The following WWOX variants were observed in gnomAD, a reference collection of about 807,000 sequenced individuals.
WWOX encodes the protein WW domain containing oxidoreductase.
WWOX carries 69 observed loss-of-function variants against 46.2 expected under a neutral mutation model. That is an observed-to-expected ratio of 1.49 (90% CI 1.23 to 1.82). The LOEUF (loss-of-function observed/expected upper bound fraction) is 1.82, where lower values mean the gene tolerates loss of function less well. Among genes scored for constraint, WWOX ranks in the 40% most tolerant of loss-of-function variants. The probability of loss-of-function intolerance (pLI) is 0.00; values close to 1 mark genes in which losing one functional copy is unlikely to be tolerated. For synonymous variants in WWOX, 359 were observed against 202.6 expected (o/e 1.77, Z -6.56); for missense variants, 919 against 542.6 (o/e 1.69, Z -6.89).
chr16:78,738,009 C>A (rs1197011445), intron 8 of WWOX, among the ~76,000 whole-genome samples: 1 of 152,190 alleles, frequency 6.6e-6, no homozygotes, highest in African/African-American at 2.4e-5. Context: ...AGGGGTTTCC[C>A]TGTCAGAGCC....
chr16:78,979,969 A>G (rs140327610), intron 8 of WWOX, among the ~76,000 whole-genome samples: 4,056 of 152,244 alleles, frequency 0.027, 174 homozygotes, highest in African/African-American at 0.092. Context: ...TCTACTAAAA[A>G]TACAAAAAAT....
intron 6 of WWOX, among the ~76,000 whole-genome samples, chr16:78,398,281 C>T (rs972874948): frequency 1.3e-5 from 2 of 152,198 alleles, no homozygotes; most frequent in African/African-American, 4.8e-5. Flanking sequence ...CCCATGTCAC[C>T]TGTGGCCATG....
At chr16:78,433,457 T>C (rs1206341778) in intron 8 of WWOX, among the ~76,000 whole-genome samples, 1 of 152,222 alleles carries the variant, frequency 6.6e-6, no homozygotes, top group East Asian at 1.9e-4. Context: ...TTTTCCACAA[T>C]ATATTTGGTA....
intron 8 of WWOX, among the ~76,000 whole-genome samples, chr16:78,725,976 CCTTCTCCTT>C (rs1567517898): frequency 2.7e-5 from 4 of 150,370 alleles, no homozygotes; most frequent in African/African-American, 9.8e-5. Flanking sequence ...TTCTCCTCCT[CCTTCTCCTT>C]CTCCTCCTTC....
At chr16:78,856,233 A>G (rs1292810062) in intron 8 of WWOX, among the ~76,000 whole-genome samples, 2 of 152,158 alleles carry the variant, frequency 1.3e-5, no homozygotes, top group East Asian at 3.9e-4. Flanking sequence ...TTAGGCAGGG[A>G]CTGCGTTGGA....
chr16:78,905,486 A>T (rs1178482394), intron 8 of WWOX, among the ~76,000 whole-genome samples: 1 of 152,150 alleles, frequency 6.6e-6, no homozygotes, highest in Non-Finnish European at 1.5e-5. Flanking sequence ...GGTGCAAGTA[A>T]TCCTCCCACC....
At chr16:78,770,991 G>T (rs1000709690) in intron 8 of WWOX, among the ~76,000 whole-genome samples, 26 of 152,206 alleles carry the variant, frequency 1.7e-4, no homozygotes, top group African/African-American at 6.0e-4. Context: ...TTGGAGCAGA[G>T]ACATGAAGGA....
intron 5 of WWOX, among the ~76,000 whole-genome samples, chr16:78,246,371 T>A (rs1163979682): frequency 2.6e-5 from 4 of 152,214 alleles, no homozygotes; most frequent in Non-Finnish European, 5.9e-5. Context: ...TTTTTTCCCC[T>A]TCTGTTTCTC....
chr16:78,400,146 C>G (rs1442437845), intron 6 of WWOX, among the ~76,000 whole-genome samples: 1 of 152,152 alleles, frequency 6.6e-6, no homozygotes, highest in Non-Finnish European at 1.5e-5. Context: ...TAAGCTTAAA[C>G]TCCTGTTATA....
At chr16:78,099,939 G>T (rs2031645180) in intron 1 of WWOX, 54 bp downstream of exon 1, 1 of 1,537,290 alleles carries the variant, frequency 6.5e-7, no homozygotes, top group Non-Finnish European at 8.8e-7. Flanking sequence ...CACAGCCCAC[G>T]GACGCCACCT....
intron 8 of WWOX, among the ~76,000 whole-genome samples, chr16:79,158,992 C>G (rs1046421642): frequency 7.2e-5 from 11 of 152,204 alleles, no homozygotes; most frequent in Admixed American, 7.2e-4. Flanking sequence ...TTGCTCTTCA[C>G]TCTGCCTGCA....
chr16:78,828,445 C>A (rs2051722579), intron 8 of WWOX, among the ~76,000 whole-genome samples: 1 of 152,104 alleles, frequency 6.6e-6, no homozygotes, highest in East Asian at 1.9e-4. Flanking sequence ...ATCAGTGTTA[C>A]TGTTCCCTGC....
At chr16:78,997,093 C>G (rs566385198) in intron 8 of WWOX, among the ~76,000 whole-genome samples, 205 of 152,132 alleles carry the variant, frequency 1.3e-3, no homozygotes, top group African/African-American at 4.4e-3. Context: ...ATCTGCTTTT[C>G]CAATCTTCTG....
At chr16:78,997,100 TCTG>T (rs1457303067) in intron 8 of WWOX, among the ~76,000 whole-genome samples, 7 of 151,994 alleles carry the variant, frequency 4.6e-5, no homozygotes, top group Non-Finnish European at 8.8e-5. Context: ...TTTCCAATCT[TCTG>T]CTCTTCAATG....
chr16:78,620,397 A>G (rs187017320), intron 8 of WWOX, among the ~76,000 whole-genome samples: 1 of 152,256 alleles, frequency 6.6e-6, no homozygotes, highest in East Asian at 1.9e-4. Context: ...CTCGTGTAGA[A>G]GTTTCTGTAT....
chr16:78,221,271 A>T (rs2036878065), intron 5 of WWOX, among the ~76,000 whole-genome samples: 2 of 152,180 alleles, frequency 1.3e-5, no homozygotes, highest in Admixed American at 6.5e-5. Flanking sequence ...TTCTATTTGT[A>T]TTGGAGTAAA....
At chr16:78,852,800 A>G (rs2052479020) in intron 8 of WWOX, among the ~76,000 whole-genome samples, 1 of 152,220 alleles carries the variant, frequency 6.6e-6, no homozygotes, top group Non-Finnish European at 1.5e-5. Flanking sequence ...CAATGGTTCC[A>G]CCTGTTTCTT....
At chr16:78,821,429 C>T (rs1227546357) in intron 8 of WWOX, among the ~76,000 whole-genome samples, 1 of 152,076 alleles carries the variant, frequency 6.6e-6, no homozygotes, top group Non-Finnish European at 1.5e-5. Flanking sequence ...ATTTTGAAAA[C>T]CCGGTGGCTA....
At chr16:78,742,912 C>T (rs2049264356) in intron 8 of WWOX, among the ~76,000 whole-genome samples, 1 of 152,098 alleles carries the variant, frequency 6.6e-6, no homozygotes, top group African/African-American at 2.4e-5. Flanking sequence ...ACTTCCTGGG[C>T]CTCCCAAAAA....
Sources: allele counts gnomAD v4.1 joint callset (sites outside exome capture counted in the v4.1 genomes callset), GRCh38; gene constraint gnomAD v4.1.1; transcripts MANE v1.5; gene names NCBI Gene and HGNC (gene_info 2026-07-23, HGNC 2026-07-21).